The following FSIP1 variants were observed in gnomAD, a reference collection of about 807,000 sequenced individuals.
FSIP1 encodes fibrous sheath interacting protein 1, also known as fibrous sheath-interacting protein 1.
FSIP1 carries 65 observed loss-of-function variants against 60.9 expected under a neutral mutation model. That is an observed-to-expected ratio of 1.07 (90% CI 0.87 to 1.31). The LOEUF is 1.31. Among genes scored for constraint, FSIP1 ranks in the 40% most tolerant of loss-of-function variants. The pLI, the probability that FSIP1 is intolerant of heterozygous loss-of-function variation, is 0.00. For missense variants in FSIP1, 675 were observed against 665.5 expected, an observed-to-expected ratio of 1.01 and a Z score of -0.16; for synonymous variants, 209 against 221.2, an observed-to-expected ratio of 0.94 and a Z score of 0.49.
chr15:39,706,475 G>T (rs1174717827), intron 10 of FSIP1, among the ~76,000 whole-genome samples: 1 of 152,070 alleles, frequency 6.6e-6, no homozygotes, highest in Non-Finnish European at 1.5e-5. Flanking sequence ...ATTATTCCTT[G>T]TGATGACTCA....
chr15:39,748,329 C>G (rs1897061480), intron 5 of FSIP1, among the ~76,000 whole-genome samples: 1 of 152,182 alleles, frequency 6.6e-6, no homozygotes. Context: ...ACATTTTGCA[C>G]ATTTCAAAGT....
At chr15:39,740,796 C>T (rs559035694) in intron 6 of FSIP1, among the ~76,000 whole-genome samples, 10 of 151,918 alleles carry the variant, frequency 6.6e-5, no homozygotes, top group South Asian at 6.2e-4. Flanking sequence ...CTGGAAAGAA[C>T]GAGAGAAAGA....
chr15:39,664,816 A>G (rs536571066), intron 10 of FSIP1, among the ~76,000 whole-genome samples: 1 of 152,286 alleles, frequency 6.6e-6, no homozygotes, highest in South Asian at 2.1e-4. Context: ...CCTTCCTCAA[A>G]GCACAAAAGA....
intron 10 of FSIP1, among the ~76,000 whole-genome samples, chr15:39,636,776 T>C (rs1034785075): frequency 3.9e-5 from 6 of 152,264 alleles, no homozygotes; most frequent in Non-Finnish European, 8.8e-5. Context: ...TTTGACTTTT[T>C]AACCCTGAAA....
intron 10 of FSIP1, among the ~76,000 whole-genome samples, chr15:39,652,635 A>G (rs1892917464): frequency 6.6e-6 from 1 of 152,196 alleles, no homozygotes; most frequent in Non-Finnish European, 1.5e-5. Context: ...TTCAAAAGCA[A>G]ACACAAAGTA....
intron 10 of FSIP1, among the ~76,000 whole-genome samples, chr15:39,695,412 C>A (rs927986174): frequency 2.0e-5 from 3 of 151,886 alleles, no homozygotes; most frequent in Non-Finnish European, 4.4e-5. Context: ...GCCAAAGTAT[C>A]ACATTCTACT....
chr15:39,757,445 C>T lies in FSIP1; in HGVS notation c.559+6376G>A, dbSNP rs532461811. Among the ~76,000 whole-genome samples the T allele has an allele frequency of 2.0e-5, 3 of 152,120 alleles. No individual in the cohort carries two copies. The East Asian group carries it at 5.8e-4, about 29-fold the overall frequency. On this transcript the variant is annotated intron_variant, in intron 5 of 11. Coordinates refer to ENST00000350221, the MANE Select transcript of FSIP1 (RefSeq NM_152597.5). Reference sequence around the variant, plus strand: ...TCATACTTGCAGTGAAAATATTCTGCTAATAATACCAAGTTTAAGCTGATT... The same window carrying T: ...TCATACTTGCAGTGAAAATATTCTGTTAATAATACCAAGTTTAAGCTGATT...
chr15:39,732,619 C>CAA (rs56106819), intron 8 of FSIP1, among the ~76,000 whole-genome samples: 993 of 79,688 alleles, frequency 0.012, 29 homozygotes, highest in African/African-American at 0.035. Context: ...AACTCCATCT[C>CAA]AAAAAAAAAA....
At chr15:39,662,963 A>G (rs1893359138) in intron 10 of FSIP1, among the ~76,000 whole-genome samples, 1 of 152,170 alleles carries the variant, frequency 6.6e-6, no homozygotes, top group African/African-American at 2.4e-5. Context: ...AAAACTAGCA[A>G]AAACCCAAAA....
At chr15:39,763,625 C>T (rs1044372239) in intron 5 of FSIP1, among the ~76,000 whole-genome samples, 196 bp downstream of exon 5, 2 of 152,160 alleles carry the variant, frequency 1.3e-5, no homozygotes, top group Non-Finnish European at 2.9e-5. Context: ...CAGACACAAA[C>T]ACTTAAAGAC....
intron 10 of FSIP1, among the ~76,000 whole-genome samples, chr15:39,704,302 T>C (rs1270180438): frequency 6.6e-6 from 1 of 152,250 alleles, no homozygotes; most frequent in East Asian, 1.9e-4. Flanking sequence ...CACCAAAGTA[T>C]AACTATTTTT....
Position 39,694,220 on chromosome 15 carries a change from T to C in FSIP1, c.1188+19224A>G, listed in dbSNP as rs118029843. Among the ~76,000 whole-genome samples the C allele has an allele frequency of 2.0e-3, 304 of 152,216 alleles. 11 individuals carry two copies. The East Asian group carries it at 0.054, about 27-fold the overall frequency. The stretch of plus-strand genomic sequence containing the variant: ...CAAGGATTTTAGTATGTAACCATCA[T>C]AGCCATGGAGACCTTGAAATCTAAT... On this transcript the variant is annotated intron_variant, in intron 10 of 11. Coordinates refer to ENST00000350221, the MANE Select transcript of FSIP1 (RefSeq NM_152597.5).
rs201447597 is a variant in FSIP1 at position 39,694,831 on chromosome 15, GATATAT to G, written c.1188+18607_1188+18612del. On this transcript the variant is annotated intron_variant, in intron 10 of 11. Transcript: ENST00000350221. ...CAAATAAAATAAAAAATAAAAAAAA[GATATAT>G]ATATATAAAGACTCATTTTTAAAGG... Among the ~76,000 whole-genome samples the G allele has an allele frequency of 4.0e-5, 6 of 151,226 alleles. 1 individual carries two copies. The highest frequency in any genetic ancestry group is 2.1e-4 in the South Asian group (1 of 4,768).
intron 3 of FSIP1, among the ~76,000 whole-genome samples, chr15:39,768,172 C>T (rs989404273): frequency 5.3e-5 from 8 of 152,306 alleles, no homozygotes; most frequent in South Asian, 4.1e-4. Context: ...AGAAGTGAGC[C>T]GTACCCTTGT....
intron 5 of FSIP1, among the ~76,000 whole-genome samples, chr15:39,742,229 T>C (rs531740748): frequency 1.2e-3 from 178 of 152,364 alleles, no homozygotes; most frequent in African/African-American, 4.0e-3. Flanking sequence ...TTGATGTTCA[T>C]AATACAGAGA....
intron 10 of FSIP1, among the ~76,000 whole-genome samples, chr15:39,704,328 A>G (rs1895179010): frequency 6.6e-6 from 1 of 152,254 alleles, no homozygotes; most frequent in African/African-American, 2.4e-5. Context: ...TCGGACCTTC[A>G]TTAATGTACG....
At chr15:39,682,289 T>C (rs1034694931) in intron 10 of FSIP1, among the ~76,000 whole-genome samples, 1 of 152,260 alleles carries the variant, frequency 6.6e-6, no homozygotes, top group Non-Finnish European at 1.5e-5. Context: ...AAACACATTT[T>C]GTTCTAACTG....
chr15:39,649,121 C>G (rs1327886790), intron 10 of FSIP1, among the ~76,000 whole-genome samples: 3 of 152,132 alleles, frequency 2.0e-5, no homozygotes, highest in African/African-American at 7.2e-5. Context: ...CGATTTCAGT[C>G]TTCTTTAAGA....
intron 9 of FSIP1, among the ~76,000 whole-genome samples, chr15:39,724,371 C>T (rs1008558411): frequency 1.3e-5 from 2 of 151,984 alleles, no homozygotes; most frequent in African/African-American, 4.8e-5. Context: ...CCTGCCTCAG[C>T]CTCCCAAGTA....
Sources: gnomAD v4.1 joint callset for allele counts (sites outside exome capture counted in the v4.1 genomes callset) on GRCh38, gnomAD v4.1.1 for gene constraint, MANE v1.5 for transcripts, NCBI Gene and HGNC (gene_info 2026-07-23, HGNC 2026-07-21) for gene names.